Variants in LY6S observed in about 807,000 individuals in gnomAD.
The protein encoded by LY6S is lymphocyte antigen 6S.
chr8:143,044,788 C>A, the LY6S span: 3 of 1,367,226 alleles, frequency 2.2e-6, no homozygotes, highest in African/African-American at 2.9e-5. Flanking sequence ...TCTGTAGCAG[C>A]GCAGACCCTG....
At chr8:143,066,012 A>G in the LY6S span, 1 of 356,868 alleles carries the variant, frequency 2.8e-6, no homozygotes, top group Non-Finnish European at 5.4e-6. Context: ...TCCATTCCTG[A>G]CTACCTTGCT....
the LY6S span, among the ~76,000 whole-genome samples, chr8:143,056,726 A>T: frequency 2.6e-5 from 4 of 152,190 alleles, no homozygotes; most frequent in African/African-American, 9.7e-5. Context: ...CCAGAAAAAT[A>T]TGGAAACTTT....
the LY6S span, chr8:143,066,122 G>A: frequency 1.3e-4 from 47 of 358,650 alleles, no homozygotes; most frequent in East Asian, 1.5e-3. Flanking sequence ...TGACTGCTGC[G>A]GCCTCCATGA....
chr8:143,052,304 A>G, the LY6S span, among the ~76,000 whole-genome samples: 5 of 152,332 alleles, frequency 3.3e-5, no homozygotes, highest in East Asian at 9.6e-4. Flanking sequence ...TTACATAATT[A>G]TCTCCATATG....
the LY6S span, among the ~76,000 whole-genome samples, chr8:143,052,699 G>A: frequency 7.2e-5 from 11 of 152,234 alleles, no homozygotes; most frequent in South Asian, 1.5e-3. Context: ...ATTAAGTATC[G>A]TCTCCGCTCC....
the LY6S span, among the ~76,000 whole-genome samples, chr8:143,063,031 GC>G: frequency 2.0e-5 from 3 of 152,300 alleles, 1 homozygote; most frequent in South Asian, 6.2e-4. Context: ...CCATTTTTTA[GC>G]AGCACTTGAT....
At chr8:143,074,298 TTCTC>T in the LY6S span, among the ~76,000 whole-genome samples, 167 of 152,196 alleles carry the variant, frequency 1.1e-3, 2 homozygotes, top group African/African-American at 3.9e-3. Flanking sequence ...TATGGCCCTC[TTCTC>T]TCTGTCTCTG....
the LY6S span, among the ~76,000 whole-genome samples, chr8:143,069,527 C>T: frequency 0.22 from 33,435 of 152,110 alleles, 5,247 homozygotes; most frequent in African/African-American, 0.43. Flanking sequence ...GACTTCAAAG[C>T]GGGTAATTAA....
chr8:143,070,476 A>ATATATATATTGT, the LY6S span, among the ~76,000 whole-genome samples: 1 of 76,942 alleles, frequency 1.3e-5, no homozygotes, highest in Non-Finnish European at 2.1e-5. Flanking sequence ...TATATATATA[A>ATATATATATTGT]ATATATATAT....
chr8:143,062,231 A>G, the LY6S span, among the ~76,000 whole-genome samples: 2 of 152,256 alleles, frequency 1.3e-5, no homozygotes, highest in African/African-American at 4.8e-5. Context: ...GTCAAGGTAC[A>G]AAAATCAAAT....
At chr8:143,067,393 T>C in the LY6S span, among the ~76,000 whole-genome samples, 1 of 152,214 alleles carries the variant, frequency 6.6e-6, no homozygotes, top group Admixed American at 6.5e-5. Context: ...TTGCAGGCAG[T>C]GTGCTTGGTA....
At chr8:143,073,535 C>T in the LY6S span, among the ~76,000 whole-genome samples, 11 of 144,182 alleles carry the variant, frequency 7.6e-5, no homozygotes, top group African/African-American at 2.7e-4. Context: ...CCATCGTCCT[C>T]GGGGTCCCTG....
chr8:143,047,253 C>T, the LY6S span, among the ~76,000 whole-genome samples: 1 of 151,628 alleles, frequency 6.6e-6, no homozygotes, highest in Non-Finnish European at 1.5e-5. Flanking sequence ...GATTCTCCTG[C>T]CTCAGCCTCC....
the LY6S span, among the ~76,000 whole-genome samples, chr8:143,055,068 C>A: frequency 6.6e-6 from 1 of 152,240 alleles, no homozygotes; most frequent in Non-Finnish European, 1.5e-5. Flanking sequence ...GTTACCCAGG[C>A]AGACAAAATG....
the LY6S span, chr8:143,065,811 C>CTTTCTTTCT: frequency 7.0e-6 from 1 of 143,664 alleles, no homozygotes. Flanking sequence ...TTCTTTCTTT[C>CTTTCTTTCT]TTTCTTTCTT....
chr8:143,066,199 C>T, the LY6S span: 19 of 116,552 alleles, frequency 1.6e-4, no homozygotes, highest in Admixed American at 1.0e-3. Context: ...GATGGGGTCT[C>T]ACTCTATCAC....
chr8:143,073,608 T>A, the LY6S span, among the ~76,000 whole-genome samples: 7 of 127,274 alleles, frequency 5.5e-5, 2 homozygotes. Context: ...ATCCTCATGG[T>A]CCCTGTTTGA....
the LY6S span, chr8:143,044,641 C>T: frequency 3.0e-6 from 4 of 1,353,610 alleles, no homozygotes; most frequent in African/African-American, 4.5e-5. Flanking sequence ...GTGCCCCTCC[C>T]TCCCCAGAAC....
chr8:143,066,067 T>G, the LY6S span: 1 of 399,864 alleles, frequency 2.5e-6, no homozygotes, highest in East Asian at 7.3e-5. Context: ...ACATACAGCT[T>G]GGGAAGCACA....
Sources: gnomAD v4.1 joint callset for allele counts (sites outside exome capture counted in the v4.1 genomes callset) on GRCh38, gnomAD v4.1.1 for gene constraint, MANE v1.5 for transcripts, NCBI Gene and HGNC (gene_info 2026-07-23, HGNC 2026-07-21) for gene names.